The following CCDC93 variants were observed in gnomAD, a reference collection of about 807,000 sequenced individuals.
The protein encoded by CCDC93 is CCC complex scaffolding subunit CCDC93.
A neutral mutation model predicts 108.2 loss-of-function variants in CCDC93; 61 were observed. That is an observed-to-expected ratio of 0.56 (90% confidence interval 0.46 to 0.70). The LOEUF (loss-of-function observed/expected upper bound fraction) is 0.70, where lower values mean the gene tolerates loss of function less well. Ranked by LOEUF, CCDC93 falls within the 30% of genes least tolerant of loss-of-function variation. The pLI, the probability that CCDC93 is intolerant of heterozygous loss-of-function variation, is 0.00. For synonymous variants in CCDC93, 276 were observed against 260.4 expected (o/e 1.06, Z -0.58); for missense variants, 685 against 764.2 (o/e 0.90, Z 1.22).
chr2:118,004,939 A>G (rs1676824065), intron 3 of CCDC93, among the ~76,000 whole-genome samples: 1 of 152,156 alleles, frequency 6.6e-6, no homozygotes, highest in African/African-American at 2.4e-5. Flanking sequence ...TTATGTAAGA[A>G]CCCAGGAAAA....
intron 6 of CCDC93, among the ~76,000 whole-genome samples, chr2:117,990,442 G>A (rs749479910): frequency 6.6e-6 from 1 of 152,196 alleles, no homozygotes; most frequent in African/African-American, 2.4e-5. Context: ...GACAAAAACA[G>A]AACACGCCCA....
chr2:117,973,238 A>G (rs1558789751), intron 11 of CCDC93, among the ~76,000 whole-genome samples: 1 of 152,138 alleles, frequency 6.6e-6, no homozygotes, highest in Admixed American at 6.5e-5. Flanking sequence ...TGGATGCTTC[A>G]ACAGACATCA....
chr2:118,006,868 GGAA>G lies in CCDC93; in HGVS notation c.157-55_157-53del. On this transcript the variant is annotated intron_variant, in intron 2 of 23. Coordinates refer to ENST00000376300, the MANE Select transcript of CCDC93 (RefSeq NM_019044.5). ...TTTCTCTTTTTAGTTTGGGGAGAATGGAAGAAGTGGAAGGTAGATGGATTATAA... is the reference window on the plus strand; with the variant it reads ...TTTCTCTTTTTAGTTTGGGGAGAATGGAAGTGGAAGGTAGATGGATTATAA... The G allele has an allele frequency of 7.5e-6, 8 of 1,062,874 alleles. No individual in the cohort carries two copies. The East Asian group carries it at 1.9e-4, about 25-fold the overall frequency. The allele number at this position is 1,062,874 out of a possible 1,614,324, so 65.8% of individuals were successfully genotyped here. A position where few individuals can be genotyped will look rare whatever the true frequency, so the allele number is the denominator to read the frequency against.
intron 20 of CCDC93, 139 bp from the exon 21 acceptor site, chr2:117,936,878 A>T: frequency 1.4e-6 from 1 of 696,278 alleles, no homozygotes; most frequent in South Asian, 1.7e-5. Context: ...TTAAAGTAAC[A>T]TATGAAAAAA....
chr2:117,992,520 G>A (rs533022555), intron 6 of CCDC93, among the ~76,000 whole-genome samples: 19 of 152,116 alleles, frequency 1.2e-4, no homozygotes, highest in Admixed American at 7.9e-4. Context: ...CTAGGATTAC[G>A]GGCATGAACC....
intron 23 of CCDC93, among the ~76,000 whole-genome samples, chr2:117,925,691 C>T (rs1678061859): frequency 6.6e-6 from 1 of 152,180 alleles, no homozygotes; most frequent in Admixed American, 6.5e-5. Flanking sequence ...TAACACCCCA[C>T]TGTCAACATT....
chr2:117,925,265 A>G (rs1272817608), intron 23 of CCDC93, among the ~76,000 whole-genome samples: 5 of 152,220 alleles, frequency 3.3e-5, no homozygotes, highest in Admixed American at 6.5e-5. Context: ...AAATTCACAC[A>G]TAACAATATT....
At position 117,949,953 on chromosome 2, in the gene CCDC93, T is replaced by C. The variant is rs1292430282; in HGVS notation, c.1069-558A>G. ...CAGTGTTGGGGATCTGCATTAGGAA[T>C]AGCCACATAGGCTAGGCAATGAAAC... On this transcript the variant is annotated intron_variant, in intron 13 of 23. Transcript: ENST00000376300. 5 of 985,424 alleles carry C rather than the reference T, an allele frequency of 5.1e-6. No individual in the cohort carries two copies. In the East Asian group the frequency reaches 3.4e-4, roughly 67 times the overall value. The allele number at this position is 985,424 out of a possible 1,614,324, so 61.0% of individuals were successfully genotyped here. A position where few individuals can be genotyped will look rare whatever the true frequency, so the allele number is the denominator to read the frequency against.
At chr2:118,011,269 T>C (rs1677014078) in intron 1 of CCDC93, among the ~76,000 whole-genome samples, 1 of 152,180 alleles carries the variant, frequency 6.6e-6, no homozygotes, top group Non-Finnish European at 1.5e-5. Context: ...ATATAGTTAA[T>C]ACAGAATTAT....
chr2:117,995,340 C>T (rs1188675299), intron 6 of CCDC93, 106 bp downstream of exon 6: 38 of 886,718 alleles, frequency 4.3e-5, no homozygotes, highest in East Asian at 2.4e-5. Flanking sequence ...AGCTCCTAAG[C>T]GATCCCCGTA....
At chr2:117,961,263 A>G (rs1367513177) in intron 11 of CCDC93, among the ~76,000 whole-genome samples, 1 of 152,170 alleles carries the variant, frequency 6.6e-6, no homozygotes, top group Admixed American at 6.5e-5. Context: ...TGAAATCTCT[A>G]TAGGTACCTC....
At chr2:117,999,774 T>C (rs1451318208) in intron 4 of CCDC93, 1 of 152,250 alleles carries the variant, frequency 6.6e-6, no homozygotes, top group Non-Finnish European at 1.5e-5. Context: ...GCTATGTAAA[T>C]AGTTATGTTA....
chr2:117,920,465 C>T (rs1463642607), intron 23 of CCDC93, 69 bp from the exon 24 acceptor site: 4 of 1,084,052 alleles, frequency 3.7e-6, no homozygotes, highest in Non-Finnish European at 5.6e-6. Flanking sequence ...CCAAGATGGT[C>T]TCAAAGCCCT....
At chr2:117,923,655 G>GGCCTGCCTGCCTGCCTGCCT (rs756961154) in intron 23 of CCDC93, among the ~76,000 whole-genome samples, 34 of 132,412 alleles carry the variant, frequency 2.6e-4, no homozygotes, top group African/African-American at 1.0e-3. Flanking sequence ...AGCACAAGGA[G>GGCCTGCCTGCCTGCCTGCCT]GCCTGCCTGC....
At chr2:117,963,659 C>T (rs1573493313) in intron 11 of CCDC93, among the ~76,000 whole-genome samples, 2 of 152,182 alleles carry the variant, frequency 1.3e-5, no homozygotes, top group Non-Finnish European at 2.9e-5. Flanking sequence ...ATGCGGTGTG[C>T]CTGCTCAGAA....
chr2:117,996,344 T>C lies in CCDC93; in HGVS notation c.382A>G (p.Ile128Val), dbSNP rs757837500. The C allele has an allele frequency of 2.0e-5, 32 of 1,613,148 alleles. No homozygotes were observed. The highest frequency in any genetic ancestry group is 2.5e-5 in the Non-Finnish European group (29 of 1,179,234). ...TCACCCATCTCTTCTTTTGTTTCTA[T>C]AGCTCGTTTCACCAGCCACTGGGGA... ...PVVQWLVKRA[I>V]ETKEEMGDYI... The change falls in exon 5 of 24, where the codon ATA becomes GTA. Residue 128 changes from isoleucine (I) to valine (V), a missense_variant. Coordinates refer to ENST00000376300, the MANE Select transcript of CCDC93 (RefSeq NM_019044.5).
At chr2:117,945,083 C>T (rs77793405) in intron 17 of CCDC93, among the ~76,000 whole-genome samples, 10,567 of 152,262 alleles carry the variant, frequency 0.069, 508 homozygotes, top group Admixed American at 0.11. Flanking sequence ...ATGGTCACTA[C>T]AGCAGAGCTG....
intron 23 of CCDC93, among the ~76,000 whole-genome samples, chr2:117,923,852 C>A (rs978561289): frequency 6.6e-6 from 1 of 152,106 alleles, no homozygotes; most frequent in Non-Finnish European, 1.5e-5. Flanking sequence ...CCCTGACCCC[C>A]GAGTAGCCAA....
intron 16 of CCDC93, among the ~76,000 whole-genome samples, chr2:117,946,198 G>A (rs1678869384): frequency 6.6e-6 from 1 of 152,164 alleles, no homozygotes; most frequent in African/African-American, 2.4e-5. Context: ...CAGGGCATGC[G>A]GTCTGGCGTG....
Sources: allele counts gnomAD v4.1 joint callset (sites outside exome capture counted in the v4.1 genomes callset), GRCh38; gene constraint gnomAD v4.1.1; transcripts MANE v1.5; gene names NCBI Gene and HGNC (gene_info 2026-07-23, HGNC 2026-07-21).